OPHN1: variants seen among roughly 807,000 people sequenced by gnomAD.
OPHN1 encodes the protein oligophrenin-1.
OPHN1 carries 11 observed loss-of-function variants against 60.7 expected under a neutral mutation model. The observed-to-expected ratio is 0.18, with a 90% confidence interval of 0.11 to 0.30. The LOEUF is 0.30. Ranked by LOEUF, OPHN1 falls within the 10% of genes least tolerant of loss-of-function variation. OPHN1 has a pLI of 1.00. For missense variants in OPHN1, 449 were observed against 611.0 expected, an observed-to-expected ratio of 0.73 and a Z score of 2.80; for synonymous variants, 226 against 222.6, an observed-to-expected ratio of 1.02 and a Z score of -0.14.
intron 6 of OPHN1, among the ~76,000 whole-genome samples, chrX:68,224,650 A>G (rs1433050881): frequency 8.9e-6 from 1 of 112,659 alleles, no homozygotes; most frequent in Non-Finnish European, 1.9e-5. Context: ...ATCTCTTATT[A>G]ATAATGTAAG....
rs911481332 is a variant in OPHN1, at chrX:68,183,525, T to C, written c.1276+9394A>G. Among the ~76,000 whole-genome samples, 7 of 112,003 alleles carry C rather than the reference T, an allele frequency of 6.2e-5. No individual in the cohort carries two copies. In the Admixed American group the frequency reaches 6.6e-4, roughly 11 times the overall value. On this transcript the variant is annotated intron_variant, in intron 15 of 24. Transcript: ENST00000355520. Reference sequence around the variant, plus strand: ...ACCACTAAAGACAACTTTAGACACTTATTGGCCTAGAAATGGTAGCAGAGG... The same window carrying C: ...ACCACTAAAGACAACTTTAGACACTCATTGGCCTAGAAATGGTAGCAGAGG...
At chrX:68,093,640 C>G (rs1011068617) in intron 19 of OPHN1, among the ~76,000 whole-genome samples, 1 of 111,042 alleles carries the variant, frequency 9.0e-6, no homozygotes. Context: ...GTGTAGAGAT[C>G]TCTCATCATG....
chrX:68,227,856 A>C (rs1198230471), intron 6 of OPHN1, among the ~76,000 whole-genome samples: 6 of 111,107 alleles, frequency 5.4e-5, no homozygotes, highest in Non-Finnish European at 1.1e-4. Context: ...CTAGAGAAGC[A>C]AGAGCAAACA....
At chrX:68,199,434 T>C (rs1487183421) in intron 11 of OPHN1, among the ~76,000 whole-genome samples, 2 of 111,544 alleles carry the variant, frequency 1.8e-5, no homozygotes, top group Non-Finnish European at 3.8e-5. Context: ...CCTGTGCCAC[T>C]GCAAACCAAC....
intron 4 of OPHN1, among the ~76,000 whole-genome samples, chrX:68,275,826 T>C (rs1272338022): frequency 4.5e-5 from 5 of 111,370 alleles, no homozygotes; most frequent in Non-Finnish European, 7.5e-5. Context: ...CATTAGTGCA[T>C]AGGTTATACG....
intron 15 of OPHN1, among the ~76,000 whole-genome samples, chrX:68,173,902 T>C (rs1164098723): frequency 1.8e-5 from 2 of 111,487 alleles, no homozygotes; most frequent in Non-Finnish European, 3.8e-5. Context: ...AAAAAACTAA[T>C]CTATCCTGTT....
intron 15 of OPHN1, among the ~76,000 whole-genome samples, chrX:68,122,225 C>G (rs1353068383): frequency 8.9e-6 from 1 of 111,881 alleles, no homozygotes; most frequent in Non-Finnish European, 1.9e-5. Context: ...GAGAAGTCTT[C>G]CAGATCTTAT....
chrX:68,206,701 C>G (rs1349385203), intron 9 of OPHN1, 28 bp from the exon 10 acceptor site: 1 of 1,046,581 alleles, frequency 9.6e-7, no homozygotes, highest in Non-Finnish European at 1.3e-6. Context: ...AGTGAGCAGA[C>G]AGAATAACTA....
intron 2 of OPHN1, among the ~76,000 whole-genome samples, chrX:68,393,498 G>C (rs1217141977): frequency 9.0e-6 from 1 of 111,356 alleles, no homozygotes. Flanking sequence ...TCCCTTGAAA[G>C]AGATTCTGTC....
intron 3 of OPHN1, among the ~76,000 whole-genome samples, chrX:68,287,146 G>GAAGAAAGAAGGA (rs1555967037): frequency 4.2e-4 from 22 of 52,875 alleles, no homozygotes; most frequent in Non-Finnish European, 6.1e-4. Context: ...AGGAAGGAAG[G>GAAGAAAGAAGGA]AAGAAAGAAG....
intron 2 of OPHN1, among the ~76,000 whole-genome samples, chrX:68,356,069 A>G (rs1226503388): frequency 9.0e-6 from 1 of 110,735 alleles, no homozygotes; most frequent in Non-Finnish European, 1.9e-5. Context: ...AAAATCGCCA[A>G]ATGTTACAAT....
chrX:68,402,482 C>A (rs753095451), intron 2 of OPHN1, among the ~76,000 whole-genome samples: 1 of 111,375 alleles, frequency 9.0e-6, no homozygotes, highest in African/African-American at 3.3e-5. Flanking sequence ...ATACCATGAA[C>A]CAAAATAAAG....
chrX:68,334,012 C>T (rs2078309915), intron 2 of OPHN1, among the ~76,000 whole-genome samples: 1 of 108,461 alleles, frequency 9.2e-6, no homozygotes, highest in Non-Finnish European at 1.9e-5. Context: ...ATTCTCATGC[C>T]TCGGCCTCCC....
chrX:68,130,508 T>C (rs2077189614), intron 15 of OPHN1, among the ~76,000 whole-genome samples: 1 of 111,738 alleles, frequency 8.9e-6, no homozygotes, highest in Non-Finnish European at 1.9e-5. Flanking sequence ...AGAGGGAAAT[T>C]ATTGGAAAAA....
intron 6 of OPHN1, among the ~76,000 whole-genome samples, chrX:68,217,257 G>A (rs1296424385): frequency 2.7e-5 from 3 of 112,134 alleles, no homozygotes; most frequent in African/African-American, 6.5e-5. Flanking sequence ...ATTATATCCC[G>A]CACCTGGCTC....
At chrX:68,423,522 C>A (rs1445882846) in intron 2 of OPHN1, among the ~76,000 whole-genome samples, 1 of 109,835 alleles carries the variant, frequency 9.1e-6, no homozygotes, top group Non-Finnish European at 1.9e-5. Context: ...TCACTGCAAT[C>A]CAATCTTAAA....
intron 2 of OPHN1, among the ~76,000 whole-genome samples, chrX:68,405,799 T>C (rs896642157): frequency 1.8e-5 from 2 of 111,638 alleles, no homozygotes; most frequent in African/African-American, 6.5e-5. Context: ...AAGAAATGTT[T>C]TCTAAACTTT....
chrX:68,185,721 T>A (rs964710965), intron 15 of OPHN1, among the ~76,000 whole-genome samples: 49 of 109,926 alleles, frequency 4.5e-4, no homozygotes, highest in Non-Finnish European at 9.5e-5. Context: ...CACTAGCGTA[T>A]GCAGTGAATA....
At position 68,063,950 on chromosome X, in the gene OPHN1, C is replaced by A. The variant is rs199985543; in HGVS notation, c.2062G>T (p.Ala688Ser). 1.2e-4 allele frequency: 142 copies of A among 1,206,016 alleles called. No homozygotes were observed. The highest frequency in any genetic ancestry group is 8.0e-4 in the South Asian group (45 of 56,041). Residue 688 changes from alanine (A) to serine (S), a missense_variant, in exon 21 of 25, where the codon GCC becomes TCC. Ala to Ser is a moderately conservative substitution (Grantham distance 99, BLOSUM62 1). This residue lies in a region of OPHN1 where 184 missense variants were observed against 160.5 expected (regional missense o/e 1.15). Transcript: ENST00000355520. ...GAGCCTGGCATGGGTCCATTGGTGG[C>A]CTTTGGGGTGATCTTGGTCCCTCCA... ...QDGGTKITPK[A>S]TNGPMPGSGP...
Sources: allele counts gnomAD v4.1 joint callset (sites outside exome capture counted in the v4.1 genomes callset), GRCh38; gene constraint gnomAD v4.1.1; regional missense constraint gnomAD v4.1.1; transcripts MANE v1.5; gene names NCBI Gene and HGNC (gene_info 2026-07-23, HGNC 2026-07-21).